Variants in PPP2R5C observed in about 807,000 individuals in gnomAD.
PPP2R5C encodes the protein protein phosphatase 2 regulatory subunit B'gamma, also known as serine/threonine-protein phosphatase 2A 56 kDa regulatory subunit gamma isoform.
In PPP2R5C, 7 loss-of-function variants were observed where a neutral mutation model predicts 68.9. The ratio of observed to expected loss-of-function variants is 0.10; its 90% CI spans 0.06 to 0.19. The LOEUF is 0.19. PPP2R5C is among the 10% of genes least tolerant of loss of function. PPP2R5C has a pLI of 1.00. For synonymous variants in PPP2R5C, 210 were observed against 222.2 expected, an observed-to-expected ratio of 0.95 and a Z score of 0.49; for missense variants, 348 against 641.3, an observed-to-expected ratio of 0.54 and a Z score of 4.94.
At chr14:101,919,993 C>CAAAAAAAA (rs367834588) in intron 13 of PPP2R5C, among the ~76,000 whole-genome samples, 3 of 117,478 alleles carry the variant, frequency 2.6e-5, no homozygotes, top group African/African-American at 7.2e-5. Context: ...AAAAAAAAAA[C>CAAAAAAAA]CAATTCTTAC....
chr14:101,907,792 G>C (rs565638339), intron 10 of PPP2R5C, among the ~76,000 whole-genome samples: 2 of 152,312 alleles, frequency 1.3e-5, no homozygotes, highest in Admixed American at 1.3e-4. Flanking sequence ...CGGCGGACCA[G>C]CCCTCTCCCA....
intron 2 of PPP2R5C, among the ~76,000 whole-genome samples, chr14:101,874,534 A>AT (rs2043627231): frequency 6.6e-6 from 1 of 152,248 alleles, no homozygotes; most frequent in Non-Finnish European, 1.5e-5. Context: ...GTTGAATTGA[A>AT]TTATAAGTAT....
intron 8 of PPP2R5C, among the ~76,000 whole-genome samples, chr14:101,897,402 ATTTTTT>A (rs56037155): frequency 4.9e-5 from 7 of 141,482 alleles, no homozygotes; most frequent in African/African-American, 1.5e-4. Context: ...GAGAGGTTGT[ATTTTTT>A]TTTTTTTTTG....
chr14:101,761,681 C>CGCCGCT (rs1291073697), upstream of PPP2R5C: 59 of 222,952 alleles, frequency 2.6e-4, no homozygotes, highest in Non-Finnish European at 3.7e-4. Flanking sequence ...GGAGAGACGC[C>CGCCGCT]GCCGCTGCCG....
chr14:101,809,262 G>A (rs1376154341), upstream of PPP2R5C, among the ~76,000 whole-genome samples: 1 of 151,572 alleles, frequency 6.6e-6, no homozygotes, highest in Non-Finnish European at 1.5e-5. Context: ...ATTTTTTCAG[G>A]GAAAAAATAG....
intron 11 of PPP2R5C, 99 bp downstream of exon 13, chr14:101,909,789 C>G: frequency 1.3e-6 from 1 of 796,272 alleles, no homozygotes; most frequent in Non-Finnish European, 1.9e-6. Context: ...ATTCTTCACT[C>G]GAAAGCAAAA....
In PPP2R5C at chr14:101,889,429, T is replaced by C. The variant is rs61659328; in HGVS notation, c.630-808T>C. Among the ~76,000 whole-genome samples the C allele has an allele frequency of 4.3e-3, 652 of 152,338 alleles. 2 individuals carry two copies. Among genetic ancestry groups the C allele is most frequent in the African/African-American group, 0.015 (631 of 41,582 alleles). ...TGTTTCCTAACATGTCCCTGTTCCCTCTCTTTGTGCCCGGTTTATTCAGCA... is the reference window on the plus strand; with the variant it reads ...TGTTTCCTAACATGTCCCTGTTCCCCCTCTTTGTGCCCGGTTTATTCAGCA... On this transcript the variant is annotated intron_variant, in intron 5 of 13. Transcript: ENST00000334743.
chr14:101,805,865 A>T (rs2039054190), upstream of PPP2R5C, among the ~76,000 whole-genome samples: 2 of 152,186 alleles, frequency 1.3e-5, no homozygotes, highest in South Asian at 4.1e-4. Flanking sequence ...GTTCATAGAG[A>T]CTGAAAGTAG....
At chr14:101,868,075 G>A (rs1275683451) in intron 2 of PPP2R5C, among the ~76,000 whole-genome samples, 4 of 152,148 alleles carry the variant, frequency 2.6e-5, no homozygotes, top group Admixed American at 6.5e-5. Flanking sequence ...TATTTTTATA[G>A]CTGATATTTA....
At chr14:101,801,869 A>C (rs575402755) in intron 3 of PPP2R5C, among the ~76,000 whole-genome samples, 1 of 152,346 alleles carries the variant, frequency 6.6e-6, no homozygotes, top group Non-Finnish European at 1.5e-5. Context: ...TATCAAAGAG[A>C]TAAGCATAGC....
Position 101,890,033 on chromosome 14 carries a change from C to G in PPP2R5C, c.630-204C>G, listed in dbSNP as rs183841702. ...ATTGAGAAAAAAATTCGTGCAAGAC[C>G]AAGTTCTCTGCCCTCGAGGCATTTA... On this transcript the variant is annotated intron_variant, in intron 5 of 13. Transcript: ENST00000334743. The G allele has an allele frequency of 2.5e-4, 172 of 677,408 alleles. No individual in the cohort carries two copies. The African/African-American group carries it at 2.7e-3, about 11-fold the overall frequency. 42.0% of individuals were successfully genotyped at this position (677,408 alleles called of 1,614,324 possible). A position where few individuals can be genotyped will look rare whatever the true frequency, so the allele number is the denominator to read the frequency against.
intron 1 of PPP2R5C, among the ~76,000 whole-genome samples, chr14:101,838,252 G>A (rs753396224): frequency 2.6e-5 from 4 of 152,144 alleles, no homozygotes; most frequent in African/African-American, 9.7e-5. Flanking sequence ...ACCTGGAGCC[G>A]GTGTGGTGGA....
intron 1 of PPP2R5C, among the ~76,000 whole-genome samples, chr14:101,811,751 T>C (rs2039374565): frequency 6.6e-6 from 1 of 152,250 alleles, no homozygotes; most frequent in African/African-American, 2.4e-5. Flanking sequence ...ATAAATCTTT[T>C]TGGTTTGTGT....
At chr14:101,848,689 A>G (rs1678006) in intron 1 of PPP2R5C, among the ~76,000 whole-genome samples, 40,670 of 152,076 alleles carry the variant, frequency 0.27, 5,827 homozygotes, top group African/African-American at 0.36. Context: ...GTGCAGCCGA[A>G]TGTACCCCTG....
chr14:101,824,759 T>C (rs942725911), intron 1 of PPP2R5C: 1 of 152,740 alleles, frequency 6.5e-6, no homozygotes, highest in Non-Finnish European at 1.5e-5. Context: ...GGTCGTGTTA[T>C]AGGTGCTGTG....
At chr14:101,904,947 C>T (rs73360920) in intron 9 of PPP2R5C, among the ~76,000 whole-genome samples, 17,960 of 152,228 alleles carry the variant, frequency 0.12, 1,536 homozygotes, top group East Asian at 0.3. Flanking sequence ...TGGTTTACTA[C>T]GGAGAGAAAA....
chr14:101,817,933 A>G (rs183097058), intron 1 of PPP2R5C: 3 of 152,326 alleles, frequency 2.0e-5, no homozygotes, highest in Admixed American at 2.0e-4. Flanking sequence ...GGGCCCCGCC[A>G]CTTAGCCATA....
In PPP2R5C at chr14:101,917,803, C is replaced by A. The variant is rs79231923; in HGVS notation, c.1327-28C>A. 4,966 of 1,612,298 alleles carry A rather than the reference C, an allele frequency of 3.1e-3. 17 individuals carry two copies. The highest frequency in any genetic ancestry group is 3.9e-3 in the Non-Finnish European group (4,569 of 1,178,884). On this transcript the variant is annotated intron_variant, in intron 12 of 13. Coordinates refer to ENST00000334743, the Ensembl canonical transcript of PPP2R5C. The surrounding 1 kb of genome is among the most constrained non-coding windows in gnomAD (Gnocchi z 4.4). ...TGGAGTTCAGAGCCTGGGCACCTAACAGAGCGACTCCACGCTTTGCATTGC... is the reference window on the plus strand; with the variant it reads ...TGGAGTTCAGAGCCTGGGCACCTAAAAGAGCGACTCCACGCTTTGCATTGC...
rs775818748 is a variant in PPP2R5C, at chr14:101,919,969, C to CCAAAAAAAAAAA, written c.1443+2022_1443+2023insCAAAAAAAAAAA. ...GGGCAAGAAAAGCAAAACTCCGTCT[C>CCAAAAAAAAAAA]AAAAAAAAAAAAAAAAAAAAAAACC... On this transcript the variant is annotated intron_variant, in intron 13 of 13. Transcript: ENST00000334743. Among the ~76,000 whole-genome samples, 4 of 52,880 alleles carry CCAAAAAAAAAAA rather than the reference C, an allele frequency of 7.6e-5. No homozygotes were observed. In the East Asian group the frequency reaches 1.8e-3, roughly 24 times the overall value. 34.7% of individuals were successfully genotyped at this position (52,880 alleles called of 152,430 possible).
Sources: gnomAD v4.1 joint callset for allele counts (sites outside exome capture counted in the v4.1 genomes callset) on GRCh38, gnomAD v4.1.1 for gene constraint, Gnocchi (gnomAD v3.1) non-coding constraint, MANE v1.5 for transcripts, NCBI Gene and HGNC (gene_info 2026-07-23, HGNC 2026-07-21) for gene names.